MTCL2: variants seen among roughly 807,000 people sequenced by gnomAD.
MTCL2 encodes the protein microtubule crosslinking factor 2.
chr20:36,800,089 T>C, the MTCL2 span, among the ~76,000 whole-genome samples: 1 of 152,110 alleles, frequency 6.6e-6, no homozygotes, highest in Non-Finnish European at 1.5e-5. Context: ...TTGGGGGATT[T>C]GGTTTAAAGT....
At chr20:36,859,971 C>T in the MTCL2 span, 3 of 1,182,304 alleles carry the variant, frequency 2.5e-6, no homozygotes, top group Non-Finnish European at 3.2e-6. Context: ...GAATAAACAA[C>T]ACAACACCTC....
the MTCL2 span, among the ~76,000 whole-genome samples, chr20:36,796,565 G>A: frequency 2.8e-4 from 43 of 152,330 alleles, 2 homozygotes; most frequent in South Asian, 8.3e-3. Flanking sequence ...CCAGAGGCAG[G>A]AGAAAAGAAT....
At chr20:36,789,882 G>T in the MTCL2 span, among the ~76,000 whole-genome samples, 2 of 152,124 alleles carry the variant, frequency 1.3e-5, no homozygotes, top group South Asian at 4.1e-4. Context: ...GAGTGCAGTG[G>T]TGCGATATTG....
chr20:36,797,325 T>C, the MTCL2 span, among the ~76,000 whole-genome samples: 1 of 152,210 alleles, frequency 6.6e-6, no homozygotes, highest in Admixed American at 6.5e-5. Context: ...TTGGGTTTTT[T>C]TTTTATTTTT....
At chr20:36,840,936 G>A in the MTCL2 span, among the ~76,000 whole-genome samples, 10 of 151,972 alleles carry the variant, frequency 6.6e-5, no homozygotes, top group African/African-American at 1.9e-4. Flanking sequence ...AATGGGGTGG[G>A]TCCAGCCCCT....
the MTCL2 span, among the ~76,000 whole-genome samples, chr20:36,834,994 TA>T: frequency 5.4e-4 from 79 of 145,302 alleles, no homozygotes; most frequent in Admixed American, 7.6e-4. Flanking sequence ...GACCCTGCCT[TA>T]AAAAAAAAAA....
At chr20:36,790,983 C>T in the MTCL2 span, among the ~76,000 whole-genome samples, 1 of 152,042 alleles carries the variant, frequency 6.6e-6, no homozygotes, top group African/African-American at 2.4e-5. Context: ...AGATATGGCA[C>T]ACTTTTGAAA....
At chr20:36,777,966 G>C in the MTCL2 span, 1 of 558,174 alleles carries the variant, frequency 1.8e-6, no homozygotes, top group South Asian at 2.3e-5. Flanking sequence ...AGTTTGAAGA[G>C]GCGCTATCTG....
At chr20:36,825,943 A>G in the MTCL2 span, among the ~76,000 whole-genome samples, 3 of 152,136 alleles carry the variant, frequency 2.0e-5, no homozygotes, top group Non-Finnish European at 4.4e-5. Flanking sequence ...AGGCACCACA[A>G]AGGGCTCTTT....
chr20:36,807,453 C>A, the MTCL2 span, among the ~76,000 whole-genome samples: 2 of 152,166 alleles, frequency 1.3e-5, no homozygotes, highest in African/African-American at 4.8e-5. Context: ...AGGACACGGC[C>A]AAAGTGAACA....
chr20:36,793,895 CG>C, the MTCL2 span: 1 of 1,550,596 alleles, frequency 6.4e-7, no homozygotes, highest in Non-Finnish European at 8.7e-7. The surrounding 1 kb of genome is among the most constrained non-coding windows in gnomAD (Gnocchi z 6.8). Context: ...GAGGCTGCTG[CG>C]GGGTGGGTCG....
chr20:36,833,156 C>G, the MTCL2 span, among the ~76,000 whole-genome samples: 1 of 152,226 alleles, frequency 6.6e-6, no homozygotes, highest in Non-Finnish European at 1.5e-5. Context: ...AAGTCTCACT[C>G]TCAGGCTGAT....
At chr20:36,803,956 C>CAAAAAA in the MTCL2 span, among the ~76,000 whole-genome samples, 3 of 43,060 alleles carry the variant, frequency 7.0e-5, no homozygotes, top group Admixed American at 3.1e-4. Flanking sequence ...GATGCCGTCT[C>CAAAAAA]AAAAAAAAAA....
chr20:36,831,555 G>T, the MTCL2 span, among the ~76,000 whole-genome samples: 5 of 152,206 alleles, frequency 3.3e-5, no homozygotes, highest in Non-Finnish European at 5.9e-5. Context: ...GCTCGGCACG[G>T]ACCCCTTGGC....
chr20:36,789,023 C>T, the MTCL2 span, among the ~76,000 whole-genome samples: 10 of 152,230 alleles, frequency 6.6e-5, no homozygotes, highest in Admixed American at 5.9e-4. Flanking sequence ...TCAGGCTGGT[C>T]TCAAACTCCC....
At chr20:36,856,498 G>A in the MTCL2 span, among the ~76,000 whole-genome samples, 11 of 152,378 alleles carry the variant, frequency 7.2e-5, no homozygotes, top group Admixed American at 1.3e-4. Flanking sequence ...AGTTGCCCCC[G>A]GGCAGTGTTT....
chr20:36,863,380 G>A, the MTCL2 span: 51 of 1,152,230 alleles, frequency 4.4e-5, no homozygotes, highest in Non-Finnish European at 5.3e-5. This position sits in a 1 kb window ranked among gnomAD's most constrained non-coding sequence, Gnocchi z 6.2. Context: ...CTGCGCGCAT[G>A]GCCCAGGCCC....
the MTCL2 span, among the ~76,000 whole-genome samples, chr20:36,854,549 G>T: frequency 6.6e-6 from 1 of 152,166 alleles, no homozygotes; most frequent in Non-Finnish European, 1.5e-5. Context: ...CACCCGCAGA[G>T]CTTGGGCGGG....
the MTCL2 span, chr20:36,794,039 A>T: frequency 6.4e-7 from 1 of 1,551,328 alleles, no homozygotes; most frequent in Non-Finnish European, 8.7e-7. The surrounding 1 kb of genome is among the most constrained non-coding windows in gnomAD (Gnocchi z 5.4). Flanking sequence ...ACAGTTGGTG[A>T]TCTCCTTCAT....
Sources: gnomAD v4.1 joint callset for allele counts (sites outside exome capture counted in the v4.1 genomes callset) on GRCh38, gnomAD v4.1.1 for gene constraint, Gnocchi (gnomAD v3.1) non-coding constraint, MANE v1.5 for transcripts, NCBI Gene and HGNC (gene_info 2026-07-23, HGNC 2026-07-21) for gene names.